The following MAP3K15 variants were observed in gnomAD, a reference collection of about 807,000 sequenced individuals.
MAP3K15 encodes mitogen-activated protein kinase kinase kinase 15.
MAP3K15 carries 124 observed loss-of-function variants against 99.5 expected under a neutral mutation model. The observed-to-expected ratio is 1.25, with a 90% CI of 1.08 to 1.45. The LOEUF (loss-of-function observed/expected upper bound fraction) is 1.45, where lower values mean the gene tolerates loss of function less well. Ranked by LOEUF, MAP3K15 falls within the 40% of genes most tolerant of loss-of-function variation. The pLI, the probability that MAP3K15 is intolerant of heterozygous loss-of-function variation, is 0.00. For missense variants in MAP3K15, 1,242 were observed against 1,079.7 expected, an observed-to-expected ratio of 1.15 and a Z score of -2.11; for synonymous variants, 494 against 439.6, an observed-to-expected ratio of 1.12 and a Z score of -1.55.
chrX:19,449,469 C>T (rs769489749), intron 6 of MAP3K15, among the ~76,000 whole-genome samples: 9 of 109,285 alleles, frequency 8.2e-5, no homozygotes, highest in African/African-American at 2.3e-4. Context: ...GGATTTTTGT[C>T]CCCTATGGGA....
chrX:19,506,906 C>A, intron 1 of MAP3K15, among the ~76,000 whole-genome samples: 2 of 112,230 alleles, frequency 1.8e-5, no homozygotes, highest in Middle Eastern at 9.2e-3. Flanking sequence ...CTTTTAAGAT[C>A]ACTGTGCACG....
At chrX:19,371,291 G>T in intron 23 of MAP3K15, 54 bp downstream of exon 23, 1 of 1,121,824 alleles carries the variant, frequency 8.9e-7, no homozygotes, top group Non-Finnish European at 1.2e-6. Context: ...GGGAGGAGGT[G>T]GTAACTGAAT....
intron 6 of MAP3K15, 108 bp from the exon 7 acceptor site, chrX:19,431,716 C>A (rs146004573): frequency 6.5e-6 from 4 of 617,269 alleles, no homozygotes; most frequent in Middle Eastern, 5.4e-4. Context: ...GAGGCCGAAG[C>A]GGGTAGATCA....
In MAP3K15 at chrX:19,373,536, C is replaced by T; in HGVS notation, c.2933G>A (p.Ser978Asn). The change falls in exon 21 of 29, where the codon AGT becomes AAT. Residue 978 changes from serine (S) to asparagine (N), a missense_variant and splice_region_variant. Physicochemically the swap from Ser to Asn is conservative, Grantham distance 46 (BLOSUM62 1). Transcript: ENST00000338883. Reference sequence around the variant, plus strand: ...GCAGACAGACAGAATACGGGTGTACCTGAGGAGGTGGCCAAGGTGGTGCCT... The same window carrying T: ...GCAGACAGACAGAATACGGGTGTACTTGAGGAGGTGGCCAAGGTGGTGCCT... ...APRHHLGHLL[S>N]VPDESSALED... 4 of 1,169,221 alleles carry T rather than the reference C, an allele frequency of 3.4e-6. No individual in the cohort carries two copies. The South Asian group carries it at 7.6e-5, about 22-fold the overall frequency.
At chrX:19,424,291 T>TACACATATATATAC (rs752722488) in intron 9 of MAP3K15, among the ~76,000 whole-genome samples, 8,121 of 98,348 alleles carry the variant, frequency 0.083, 347 homozygotes, top group African/African-American at 0.14. Flanking sequence ...CACATATATA[T>TACACATATATATAC]ACACATATAT....
chrX:19,366,343 CCTGT>C (rs1248678936), intron 25 of MAP3K15, among the ~76,000 whole-genome samples: 6 of 111,757 alleles, frequency 5.4e-5, no homozygotes, highest in Non-Finnish European at 1.1e-4. Flanking sequence ...GACACATCAT[CCTGT>C]CTAAGAGGTG....
At chrX:19,497,321 C>G (rs1179523960) in intron 1 of MAP3K15, among the ~76,000 whole-genome samples, 2 of 109,918 alleles carry the variant, frequency 1.8e-5, no homozygotes. Context: ...GCCACCACGC[C>G]TGGCTAATTT....
chrX:19,441,139 C>T (rs2063956223), intron 6 of MAP3K15, among the ~76,000 whole-genome samples: 1 of 112,196 alleles, frequency 8.9e-6, no homozygotes, highest in Non-Finnish European at 1.9e-5. Flanking sequence ...GGAAGCCAGA[C>T]ACACACAAAA....
intron 7 of MAP3K15, among the ~76,000 whole-genome samples, chrX:19,428,150 C>T (rs372377585): frequency 8.9e-6 from 1 of 111,758 alleles, no homozygotes; most frequent in African/African-American, 3.3e-5. Flanking sequence ...TCCCTACCTC[C>T]CTGAGCCATA....
intron 1 of MAP3K15, among the ~76,000 whole-genome samples, chrX:19,511,311 T>C (rs761436177): frequency 1.8e-5 from 2 of 111,925 alleles, no homozygotes; most frequent in South Asian, 3.7e-4. Flanking sequence ...AAAGCCAAAA[T>C]AGACAAAGGA....
At chrX:19,447,428 T>C (rs1054274111) in intron 6 of MAP3K15, among the ~76,000 whole-genome samples, 3 of 111,969 alleles carry the variant, frequency 2.7e-5, no homozygotes, top group African/African-American at 9.7e-5. Context: ...TACTACAAAG[T>C]GTTCAAACAC....
chrX:19,440,143 G>T (rs1164012225), intron 6 of MAP3K15, among the ~76,000 whole-genome samples: 1 of 111,868 alleles, frequency 8.9e-6, no homozygotes, highest in African/African-American at 3.2e-5. Flanking sequence ...TGGCACCTGG[G>T]CTCTGGTAAC....
chrX:19,422,960 T>C (rs1200824882), intron 9 of MAP3K15, among the ~76,000 whole-genome samples: 1 of 99,215 alleles, frequency 1.0e-5, no homozygotes, highest in Non-Finnish European at 2.0e-5. Context: ...TTCTCACTCA[T>C]AGGTGGGAAT....
intron 18 of MAP3K15, among the ~76,000 whole-genome samples, chrX:19,385,025 G>C (rs1449399867): frequency 3.6e-5 from 4 of 111,505 alleles, no homozygotes; most frequent in Non-Finnish European, 7.5e-5. Flanking sequence ...TAAAGGCAAG[G>C]ATTTAATAAT....
chrX:19,381,386 G>A (rs1368727589), intron 18 of MAP3K15, among the ~76,000 whole-genome samples: 1 of 112,137 alleles, frequency 8.9e-6, no homozygotes, highest in Non-Finnish European at 1.9e-5. Context: ...CTGCTGGGGA[G>A]TCTGCAGCCC....
intron 18 of MAP3K15, 126 bp from the exon 19 acceptor site, chrX:19,380,403 C>T: frequency 1.5e-6 from 1 of 663,705 alleles, no homozygotes; most frequent in South Asian, 2.7e-5. Context: ...GGAGACCAGC[C>T]TGGACAATGT....
In MAP3K15 at chrX:19,392,433, C is replaced by T; in HGVS notation, c.2235G>A (p.Met745Ile). Residue 745 changes from methionine (M) to isoleucine (I), a missense_variant, in exon 17 of 29, where the codon ATG (methionine) becomes ATA (isoleucine). By Grantham distance (10) the Met-to-Ile change is conservative (BLOSUM62 1). Transcript: ENST00000338883. ...SALLRSKWGPMKEPTIKFYTK... is the reference protein window; with the variant it reads ...SALLRSKWGPIKEPTIKFYTK... Reference sequence around the variant, plus strand: ...TGTAAAACTTGATTGTCGGTTCCTTCATCGGCCCCCATTTGGATCGCAGAA... The same window carrying T: ...TGTAAAACTTGATTGTCGGTTCCTTTATCGGCCCCCATTTGGATCGCAGAA... 8.3e-7 allele frequency: 1 copy of T among 1,210,941 alleles called. No homozygotes were observed.
chrX:19,367,016 C>G, intron 25 of MAP3K15, among the ~76,000 whole-genome samples: 1 of 111,957 alleles, frequency 8.9e-6, no homozygotes, highest in Non-Finnish European at 1.9e-5. Context: ...ATAAATGGTT[C>G]TATTATAAAG....
chrX:19,437,273 C>T (rs767611278), intron 6 of MAP3K15, among the ~76,000 whole-genome samples: 2 of 111,825 alleles, frequency 1.8e-5, no homozygotes, highest in African/African-American at 6.5e-5. Flanking sequence ...TCATAGTGAT[C>T]CTCTGCGCTG....
Sources: allele counts gnomAD v4.1 joint callset (sites outside exome capture counted in the v4.1 genomes callset), GRCh38; gene constraint gnomAD v4.1.1; transcripts MANE v1.5; gene names NCBI Gene and HGNC (gene_info 2026-07-23, HGNC 2026-07-21).